Variants in ABCC8 observed in about 807,000 individuals in gnomAD.
ABCC8 encodes the protein ATP binding cassette subfamily C member 8.
A neutral mutation model predicts 188.0 loss-of-function variants in ABCC8; 137 were observed. That is an observed-to-expected ratio of 0.73 (90% CI 0.63 to 0.84). ABCC8 has a LOEUF of 0.84. Among genes scored for constraint, ABCC8 ranks in the 40% least tolerant of loss-of-function variants. The probability of loss-of-function intolerance (pLI) is 0.00; values close to 1 mark genes in which losing one functional copy is unlikely to be tolerated. For missense variants in ABCC8, 1,750 were observed against 2,072.7 expected, an observed-to-expected ratio of 0.84 and a Z score of 3.02; for synonymous variants, 797 against 846.5, an observed-to-expected ratio of 0.94 and a Z score of 1.01.
intron 3 of ABCC8, 23 bp from the exon 4 acceptor site, chr11:17,463,627 C>A: frequency 1.3e-6 from 2 of 1,560,742 alleles, no homozygotes; most frequent in South Asian, 2.4e-5. Flanking sequence ...GATGGAAGAT[C>A]GCAGAGACGT....
At chr11:17,463,732 A>T in intron 3 of ABCC8, 128 bp from the exon 4 acceptor site, 1 of 1,225,012 alleles carries the variant, frequency 8.2e-7, no homozygotes, top group Middle Eastern at 2.4e-4. Flanking sequence ...ATTTCCGAGT[A>T]AGTGGATGTG....
chr11:17,412,361 T>C (rs1399438745), intron 21 of ABCC8, among the ~76,000 whole-genome samples: 1 of 152,234 alleles, frequency 6.6e-6, no homozygotes, highest in Non-Finnish European at 1.5e-5. Context: ...GCCATTCTTA[T>C]AGTCGGGCTG....
chr11:17,413,291 A>G (rs544411024), intron 20 of ABCC8, 103 bp downstream of exon 20: 341 of 1,528,358 alleles, frequency 2.2e-4, no homozygotes, highest in South Asian at 1.4e-3. Context: ...TCAGCCTTCA[A>G]TGTCTCCTAT....
intron 8 of ABCC8, chr11:17,448,257 T>C (rs1181042349): frequency 1.0e-5 from 5 of 481,450 alleles, no homozygotes; most frequent in Non-Finnish European, 1.9e-5. Context: ...GCTTGATTTT[T>C]CTATAGTTTA....
chr11:17,398,100 C>T (rs1210916661), intron 30 of ABCC8, among the ~76,000 whole-genome samples: 1 of 152,212 alleles, frequency 6.6e-6, no homozygotes, highest in Non-Finnish European at 1.5e-5. Context: ...GATACACATT[C>T]ACCACAACTG....
chr11:17,475,920 A>C (rs1027500289), intron 1 of ABCC8, among the ~76,000 whole-genome samples: 1 of 152,218 alleles, frequency 6.6e-6, no homozygotes. Flanking sequence ...AGAGGCACGC[A>C]CGATTGTCCC....
chr11:17,411,510 T>C (rs1021003096), intron 21 of ABCC8, among the ~76,000 whole-genome samples: 1 of 152,082 alleles, frequency 6.6e-6, no homozygotes, highest in African/African-American at 2.4e-5. Flanking sequence ...AAAGGAGTGC[T>C]TGTGCGTGTG....
At chr11:17,416,447 C>CT (rs1204166032) in intron 17 of ABCC8, among the ~76,000 whole-genome samples, 4 of 152,168 alleles carry the variant, frequency 2.6e-5, no homozygotes, top group East Asian at 3.9e-4. Flanking sequence ...TTTAGATATA[C>CT]TTTTTTCTGT....
At position 17,393,230 on chromosome 11, in the gene ABCC8, AG is replaced by A. The variant is rs1799731; in HGVS notation, c.4609-103del. The A allele has an allele frequency of 0.29, 441,373 of 1,506,662 alleles. 67,883 individuals carry two copies. The highest frequency in any genetic ancestry group is 0.48 in the East Asian group (20,389 of 42,552). The allele number at this position is 1,506,662 out of a possible 1,614,324, so 93.3% of individuals were successfully genotyped here. On this transcript the variant is annotated intron_variant, in intron 38 of 38. Coordinates refer to ENST00000389817, the MANE Select transcript of ABCC8 (RefSeq NM_000352.6). ...TCCTGCGGCTTGGAGGAGGAGGATG[AG>A]GCATGTGGCCAGAATGTCCTGTCAC...
At chr11:17,431,117 A>G (rs1955828968) in intron 11 of ABCC8, 158 bp from the exon 12 acceptor site, 4 of 1,226,996 alleles carry the variant, frequency 3.3e-6, no homozygotes, top group Non-Finnish European at 4.5e-6. Flanking sequence ...CCCCACAGTC[A>G]TCTCATGGAA....
chr11:17,406,353 A>T, intron 26 of ABCC8: 1 of 523,020 alleles, frequency 1.9e-6, no homozygotes. Flanking sequence ...AACAATCTTT[A>T]CTTGGATGTG....
rs1343971062 is a variant in ABCC8 at position 17,453,257 on chromosome 11, G to A, written c.1038C>T (p.Val346=). 1 of 1,614,038 alleles carries A rather than the reference G, an allele frequency of 6.2e-7. No individual in the cohort carries two copies. The highest frequency in any genetic ancestry group is 8.5e-7 in the Non-Finnish European group (1 of 1,180,042). Residue 346 remains valine (V), a synonymous_variant, in exon 7 of 39, where the codon GTC becomes GTT. Transcript: ENST00000389817. ...PKTQFLGVYF[V]SSQEFLANAY... is the part of the protein sequence containing the mutation. ...CATTGGCAAGGAACTCTTGGGATGA[G>A]ACAAAGTAAACCCCGAGAAATTGTG...
intron 22 of ABCC8, chr11:17,410,293 G>T: frequency 1.8e-6 from 1 of 545,852 alleles, no homozygotes; most frequent in South Asian, 2.5e-5. Flanking sequence ...TGGGGGGCCC[G>T]GGCCAGGATG....
chr11:17,424,996 G>A (rs570522528), intron 16 of ABCC8, among the ~76,000 whole-genome samples: 1 of 152,184 alleles, frequency 6.6e-6, no homozygotes, highest in Non-Finnish European at 1.5e-5. Flanking sequence ...AATAAATATT[G>A]GTTACTTTCT....
At position 17,474,891 on chromosome 11, in the gene ABCC8, A is replaced by G; in HGVS notation, c.285T>C (p.Ser95=). 1 of 1,614,102 alleles carries G rather than the reference A, an allele frequency of 6.2e-7. No individual in the cohort carries two copies. The highest frequency in any genetic ancestry group is 1.1e-5 in the South Asian group (1 of 91,084). ...GTCCTCAGACAGTCACTCACCCATCAGACAGGATGCCCTCTGCAATCTCAC... is the reference window on the plus strand; with the variant it reads ...GTCCTCAGACAGTCACTCACCCATCGGACAGGATGCCCTCTGCAATCTCAC... ...LVCEIAEGIL[S]DGVTESHHLH... Residue 95 remains serine, a synonymous_variant, in exon 2 of 39, where the codon TCT becomes TCC. Coordinates refer to ENST00000389817, the MANE Select transcript of ABCC8 (RefSeq NM_000352.6).
Position 17,475,041 on chromosome 11 carries a change from C to G in ABCC8, c.149-14G>C. On this transcript the variant is annotated splice_polypyrimidine_tract_variant and intron_variant, in intron 1 of 38. Transcript: ENST00000389817. ...GACTTCCCCATCCTGCAGGGAGAGA[C>G]AGTCAGAGGCAGGATGCCTGCCCAC... The G allele has an allele frequency of 6.2e-7, 1 of 1,614,016 alleles. No homozygotes were observed. The highest frequency in any genetic ancestry group is 8.5e-7 in the Non-Finnish European group (1 of 1,179,962).
In ABCC8 at chr11:17,397,634, G is replaced by A. The variant is rs773609619; in HGVS notation, c.3867+50C>T. On this transcript the variant is annotated intron_variant, in intron 31 of 38. Coordinates refer to ENST00000389817, the MANE Select transcript of ABCC8 (RefSeq NM_000352.6). Reference sequence around the variant, plus strand: ...ATGTCTCCAGTGACGAAGGTGCTCCGGGAGTGCTGGTGTCTGACCCCTCCT... The same window carrying A: ...ATGTCTCCAGTGACGAAGGTGCTCCAGGAGTGCTGGTGTCTGACCCCTCCT... 50 of 1,587,812 alleles carry A rather than the reference G, an allele frequency of 3.1e-5. 1 individual carries two copies. The Middle Eastern group carries it at 2.5e-3, about 79-fold the overall frequency.
intron 21 of ABCC8, 93 bp from the exon 22 acceptor site, chr11:17,410,746 A>T: frequency 1.3e-6 from 2 of 1,566,460 alleles, no homozygotes; most frequent in South Asian, 2.3e-5. Flanking sequence ...AGTTCTATCA[A>T]CTCTGCTCTA....
chr11:17,414,908 A>T (rs1591765954), intron 18 of ABCC8, among the ~76,000 whole-genome samples: 2 of 152,066 alleles, frequency 1.3e-5, no homozygotes, highest in South Asian at 4.2e-4. Context: ...GTGTGACCAA[A>T]CCAAGGGAAC....
Sources: allele counts gnomAD v4.1 joint callset (sites outside exome capture counted in the v4.1 genomes callset), GRCh38; gene constraint gnomAD v4.1.1; transcripts MANE v1.5; gene names NCBI Gene and HGNC (gene_info 2026-07-23, HGNC 2026-07-21).